WDR17: variants seen among roughly 807,000 people sequenced by gnomAD.
WDR17 encodes the protein WD repeat domain 17.
In WDR17, 143 loss-of-function variants were observed where a neutral mutation model predicts 161.7. That is an observed-to-expected ratio of 0.88 (90% CI 0.77 to 1.02). The LOEUF (loss-of-function observed/expected upper bound fraction) is 1.02. Ranked by LOEUF, WDR17 falls within the 50% of genes least tolerant of loss-of-function variation. The pLI, the probability that WDR17 is intolerant of heterozygous loss-of-function variation, is 0.00. For missense variants in WDR17, 1,469 were observed against 1,520.9 expected, an observed-to-expected ratio of 0.97 and a Z score of 0.57; for synonymous variants, 517 against 515.6, an observed-to-expected ratio of 1.00 and a Z score of -0.04.
rs138988945 is a variant in WDR17, at chr4:176,113,034, T to C, written c.123+1331T>C. Among the ~76,000 whole-genome samples, 883 of 152,250 alleles carry C rather than the reference T, an allele frequency of 5.8e-3. 9 individuals carry two copies. Among genetic ancestry groups the C allele is most frequent in the African/African-American group, 0.02 (825 of 41,564 alleles). ...TTTTATGTAGTCCATTTCTTAAGACTGTAGAAATATCTAGCTACCAAAATG... is the reference window on the plus strand; with the variant it reads ...TTTTATGTAGTCCATTTCTTAAGACCGTAGAAATATCTAGCTACCAAAATG... On this transcript the variant is annotated intron_variant, in intron 2 of 28. Transcript: ENST00000508596.
intron 5 of WDR17, among the ~76,000 whole-genome samples, chr4:176,128,113 C>A (rs1742751265): frequency 1.3e-5 from 2 of 152,118 alleles, no homozygotes. Context: ...CTGCTATGAA[C>A]ATGTATGTAC....
chr4:176,142,067 T>TAA lies in WDR17; in HGVS notation c.1528_1529dup (p.Asp511LysfsTer3), dbSNP rs775229146. ...TTGGTTGTGATTGGAGCCAAAACAA[T>TAA]AAGTAAGTGGTTTTTTTTCCTGAAA... On this transcript the variant is annotated frameshift_variant and splice_region_variant, in exon 11 of 29. Coordinates refer to ENST00000508596, the MANE Select transcript of WDR17 (RefSeq NM_181265.4). LOFTEE classifies it high-confidence loss of function. 13 of 1,608,358 alleles carry TAA rather than the reference T, an allele frequency of 8.1e-6. No homozygotes were observed. The Admixed American group carries it at 2.2e-4, about 27-fold the overall frequency.
rs1002290671 is a variant in WDR17 at position 176,181,734 on chromosome 4, T to C, written c.*2155T>C. The C allele has an allele frequency of 6.5e-6, 1 of 152,720 alleles. No individual in the cohort carries two copies. The highest frequency in any genetic ancestry group is 1.5e-5 in the Non-Finnish European group (1 of 68,204). 9.5% of individuals were successfully genotyped at this position (152,720 alleles called of 1,614,324 possible). On this transcript the variant is annotated 3_prime_UTR_variant, in exon 29 of 29. Transcript: ENST00000508596. ...ATAAGCCTATCTTTTTGTGCTTACA[T>C]ACTTAAAAGGATATCATTAAGTATA...
At position 176,154,016 on chromosome 4, in the gene WDR17, T is replaced by G. The variant is rs149369599; in HGVS notation, c.2460+2049T>G. ...GAATTAATAAATTTTGGTACAACAG[T>G]GTAATTCTTTAGCTTTCTGGGTTTT... is the stretch of plus-strand genomic sequence containing the variant. On this transcript the variant is annotated intron_variant, in intron 17 of 28. Transcript: ENST00000508596. 1.4e-3 allele frequency among the ~76,000 whole-genome samples: 208 copies of G among 152,336 alleles called. 1 individual carries two copies. Among genetic ancestry groups the G allele is most frequent in the Admixed American group, 5.4e-3 (82 of 15,300 alleles).
chr4:176,106,860 AG>A, intron 1 of WDR17, among the ~76,000 whole-genome samples: 1 of 152,310 alleles, frequency 6.6e-6, no homozygotes, highest in South Asian at 2.1e-4. Context: ...CTGAGGCAGC[AG>A]GATCACGTGA....
intron 22 of WDR17, among the ~76,000 whole-genome samples, chr4:176,167,609 T>G (rs1234836029): frequency 8.6e-6 from 1 of 115,726 alleles, no homozygotes; most frequent in African/African-American, 3.3e-5. Context: ...ATTGCGCCAC[T>G]GCACTCCAGC....
At chr4:176,144,504 C>A (rs1260534404) in intron 11 of WDR17, among the ~76,000 whole-genome samples, 1 of 152,144 alleles carries the variant, frequency 6.6e-6, no homozygotes, top group Non-Finnish European at 1.5e-5. Flanking sequence ...CTAATTAGAA[C>A]AGTTCCATAT....
At chr4:176,174,768 T>TAA in intron 26 of WDR17, 50 bp downstream of exon 26, 1 of 1,151,544 alleles carries the variant, frequency 8.7e-7, no homozygotes. Context: ...TTTCTCTTGC[T>TAA]AAGATGGATA....
At chr4:176,071,457 G>A (rs1368679183) in intron 1 of WDR17, among the ~76,000 whole-genome samples, 1 of 151,968 alleles carries the variant, frequency 6.6e-6, no homozygotes, top group Non-Finnish European at 1.5e-5. Flanking sequence ...TGAGTAGCTG[G>A]GATTACAGGC....
At chr4:176,094,034 A>G (rs1260007183) in intron 1 of WDR17, among the ~76,000 whole-genome samples, 1 of 152,186 alleles carries the variant, frequency 6.6e-6, no homozygotes, top group Non-Finnish European at 1.5e-5. Context: ...ATAATAGTAT[A>G]ATAAAGACTA....
intron 6 of WDR17, 84 bp downstream of exon 6, chr4:176,128,944 T>C: frequency 7.9e-7 from 1 of 1,267,516 alleles, no homozygotes; most frequent in Non-Finnish European, 1.1e-6. Flanking sequence ...AGATATCAAA[T>C]ACTATATGCC....
intron 20 of WDR17, 47 bp downstream of exon 20, chr4:176,161,049 C>A (rs1213775331): frequency 6.6e-7 from 1 of 1,507,796 alleles, no homozygotes; most frequent in East Asian, 2.3e-5. Flanking sequence ...TGGTTGTCTT[C>A]CCTTTAGGAA....
intron 22 of WDR17, chr4:176,166,056 G>C: frequency 1.2e-6 from 1 of 853,526 alleles, no homozygotes; most frequent in Non-Finnish European, 1.8e-6. Flanking sequence ...TACATTTACT[G>C]TAAAAGTCTG....
chr4:176,138,079 G>C (rs889040589), intron 9 of WDR17, among the ~76,000 whole-genome samples: 12 of 151,512 alleles, frequency 7.9e-5, no homozygotes, highest in African/African-American at 2.4e-4. Flanking sequence ...CTGCTCTCTT[G>C]TATTTGTAGC....
At chr4:176,169,821 G>A (rs1026680805) in intron 23 of WDR17, among the ~76,000 whole-genome samples, 1 of 152,180 alleles carries the variant, frequency 6.6e-6, no homozygotes, top group Non-Finnish European at 1.5e-5. Context: ...ATAAATGTCC[G>A]AAATTACCAG....
Position 176,067,821 on chromosome 4 carries a change from C to T in WDR17, c.-7+1742C>T, listed in dbSNP as rs559654962. On this transcript the variant is annotated intron_variant, in intron 1 of 28. Coordinates refer to ENST00000508596, the MANE Select transcript of WDR17 (RefSeq NM_181265.4). The stretch of plus-strand genomic sequence containing the variant: ...AGGGCCAGTGGCAGTTTTTTAATTA[C>T]TTGGAGAAGTTTAAGAACAGGTTTC... Among the ~76,000 whole-genome samples, 3 of 152,248 alleles carry T rather than the reference C, an allele frequency of 2.0e-5. No homozygotes were observed. The East Asian group carries it at 5.8e-4, about 29-fold the overall frequency.
intron 1 of WDR17, among the ~76,000 whole-genome samples, chr4:176,077,411 A>AG (rs66464240): frequency 0.52 from 79,445 of 151,678 alleles, 22,175 homozygotes; most frequent in South Asian, 0.63. Context: ...CCTGGGAGAA[A>AG]GCTTCTAAAA....
In WDR17 at chr4:176,115,879, A is replaced by C; in HGVS notation, c.207A>C (p.Pro69=). 6.2e-7 allele frequency: 1 copy of C among 1,611,858 alleles called. No individual in the cohort carries two copies. ...KKTITAISWC[P]HNPDLFASGS... is the part of the protein sequence containing the mutation. ...CAATCACAGCAATTTCTTGGTGTCCACATAATCCTGATCTGTTTGCAAGTG... is the reference window on the plus strand; with the variant it reads ...CAATCACAGCAATTTCTTGGTGTCCCCATAATCCTGATCTGTTTGCAAGTG... The change falls in exon 3 of 29, where the codon CCA becomes CCC. Residue 69 remains proline (P), a synonymous_variant. Transcript: ENST00000508596.
chr4:176,152,033 A>C, intron 17 of WDR17, 66 bp downstream of exon 17: 10 of 1,477,722 alleles, frequency 6.8e-6, no homozygotes, highest in African/African-American at 2.9e-5. Flanking sequence ...GAATATACTC[A>C]ATTTTAAGTA....
Sources: gnomAD v4.1 joint callset for allele counts (sites outside exome capture counted in the v4.1 genomes callset) on GRCh38, gnomAD v4.1.1 for gene constraint, MANE v1.5 for transcripts, NCBI Gene and HGNC (gene_info 2026-07-23, HGNC 2026-07-21) for gene names.